SLC2A9: variants seen among roughly 807,000 people sequenced by gnomAD.
SLC2A9 encodes the protein solute carrier family 2 member 9.
SLC2A9 carries 39 observed loss-of-function variants against 50.6 expected under a neutral mutation model. That is an observed-to-expected ratio of 0.77 (90% CI 0.60 to 1.01). The LOEUF (loss-of-function observed/expected upper bound fraction) is 1.01, where lower values mean the gene tolerates loss of function less well. Among genes scored for constraint, SLC2A9 ranks in the 50% least tolerant of loss-of-function variants. SLC2A9 has a pLI of 0.00. For missense variants in SLC2A9, 686 were observed against 677.6 expected (o/e 1.01, Z -0.14); for synonymous variants, 324 against 276.9 (o/e 1.17, Z -1.69).
At chr4:9,871,408 T>G (rs1266132377) in intron 10 of SLC2A9, among the ~76,000 whole-genome samples, 1 of 152,156 alleles carries the variant, frequency 6.6e-6, no homozygotes, top group African/African-American at 2.4e-5. Flanking sequence ...GTTGGCAGAG[T>G]TGGTTCTCTC....
intron 7 of SLC2A9, among the ~76,000 whole-genome samples, chr4:9,912,302 A>G (rs1288841553): frequency 6.6e-6 from 1 of 152,184 alleles, no homozygotes; most frequent in Non-Finnish European, 1.5e-5. Flanking sequence ...ATAATAAAAA[A>G]AAAAGAAAAG....
chr4:9,783,543 C>A, intron 3 of SLC2A9: 1 of 1,272,528 alleles, frequency 7.9e-7, no homozygotes. Flanking sequence ...AAATACATGC[C>A]TTTCCAGTGC....
chr4:9,849,132 T>C (rs533823011), intron 10 of SLC2A9, among the ~76,000 whole-genome samples: 7 of 151,804 alleles, frequency 4.6e-5, no homozygotes, highest in Non-Finnish European at 5.9e-5. Context: ...GATTCTAGGG[T>C]GTCTAGGAGG....
chr4:9,780,941 C>G (rs1442528448), intron 3 of SLC2A9, among the ~76,000 whole-genome samples: 4 of 152,176 alleles, frequency 2.6e-5, no homozygotes, highest in Non-Finnish European at 4.4e-5. Context: ...GTGGGGGGCT[C>G]TCTTCCTCCT....
At chr4:9,851,581 G>A (rs973199199) in intron 10 of SLC2A9, among the ~76,000 whole-genome samples, 5 of 152,158 alleles carry the variant, frequency 3.3e-5, no homozygotes, top group Non-Finnish European at 5.9e-5. Flanking sequence ...ATAGTGAAAT[G>A]ACTGAAATGA....
At chr4:9,837,261 A>G (rs184100175) in intron 10 of SLC2A9, among the ~76,000 whole-genome samples, 7 of 152,192 alleles carry the variant, frequency 4.6e-5, no homozygotes, top group Non-Finnish European at 8.8e-5. Flanking sequence ...ATTAGACTCT[A>G]TATCTTAAAG....
chr4:9,958,008 G>A (rs1211063884), intron 5 of SLC2A9, among the ~76,000 whole-genome samples: 1 of 152,130 alleles, frequency 6.6e-6, no homozygotes, highest in African/African-American at 2.4e-5. Flanking sequence ...GGATAAATAA[G>A]AAGATTCTAA....
intron 3 of SLC2A9, among the ~76,000 whole-genome samples, chr4:9,813,402 C>T (rs563046854): frequency 2.0e-5 from 3 of 152,280 alleles, no homozygotes; most frequent in South Asian, 2.1e-4. Flanking sequence ...TTTCCCTCTT[C>T]GCAGTTTGAT....
At position 9,863,009 on chromosome 4, in the gene SLC2A9, C is replaced by T. The variant is rs568376102; in HGVS notation, c.1291+24558G>A. 1.6e-3 allele frequency among the ~76,000 whole-genome samples: 236 copies of T among 152,158 alleles called. 1 individual carries two copies. Among genetic ancestry groups the T allele is most frequent in the South Asian group, 2.7e-3 (13 of 4,822 alleles). ...ACAATAAAGCACAATGAATGTGCCC[C>T]GCCCAGGGAGGCCAACTGTTATCAG... On this transcript the variant is annotated intron_variant, in intron 10 of 11. Coordinates refer to ENST00000264784, the MANE Select transcript of SLC2A9 (RefSeq NM_020041.3).
rs1328503816 is a variant in SLC2A9 at position 9,978,978 on chromosome 4, A to G, written c.681+1614T>C. 2.6e-5 allele frequency among the ~76,000 whole-genome samples: 4 copies of G among 152,340 alleles called. No individual in the cohort carries two copies. The South Asian group carries it at 8.3e-4, about 32-fold the overall frequency. The stretch of plus-strand genomic sequence containing the variant: ...GATTCCTCCACTTATAAAACCTTCC[A>G]CTGAATGAGAAAGGAGCTGGCCCTA... On this transcript the variant is annotated intron_variant, in intron 5 of 11. Transcript: ENST00000264784.
At chr4:9,812,609 G>C (rs1240019620) in intron 3 of SLC2A9, among the ~76,000 whole-genome samples, 1 of 151,520 alleles carries the variant, frequency 6.6e-6, no homozygotes, top group East Asian at 1.9e-4. Flanking sequence ...CTTGCATCTA[G>C]ATGCAACATG....
intron 10 of SLC2A9, among the ~76,000 whole-genome samples, chr4:9,872,523 A>G (rs1733617852): frequency 6.6e-6 from 1 of 152,278 alleles, no homozygotes; most frequent in South Asian, 2.1e-4. Flanking sequence ...AATAAATTCG[A>G]TAAATGTGTT....
chr4:9,901,789 C>T (rs1233086583), intron 8 of SLC2A9, among the ~76,000 whole-genome samples: 1 of 152,178 alleles, frequency 6.6e-6, no homozygotes, highest in African/African-American at 2.4e-5. Flanking sequence ...AGAGGGAGAC[C>T]CATTGGCTCA....
intron 3 of SLC2A9, among the ~76,000 whole-genome samples, chr4:9,991,146 T>C (rs1037423406): frequency 1.3e-5 from 2 of 152,174 alleles, no homozygotes; most frequent in Non-Finnish European, 2.9e-5. Flanking sequence ...CAAGTGAGGC[T>C]AAACTTGACC....
chr4:10,033,367 C>T (rs1031778460), intron 1 of SLC2A9, among the ~76,000 whole-genome samples: 18 of 152,286 alleles, frequency 1.2e-4, no homozygotes, highest in African/African-American at 4.1e-4. Context: ...GGCTTCCCGG[C>T]AGCCGAAGCA....
intron 5 of SLC2A9, among the ~76,000 whole-genome samples, chr4:9,944,484 C>G (rs1370257962): frequency 6.6e-6 from 1 of 152,158 alleles, no homozygotes; most frequent in Non-Finnish European, 1.5e-5. Context: ...TGGACTCTTT[C>G]TTAAGGGGGG....
At position 9,834,903 on chromosome 4, in the gene SLC2A9, C is replaced by T. The variant is rs768775934; in HGVS notation, c.1397G>A (p.Gly466Glu). 3 of 1,614,104 alleles carry T rather than the reference C, an allele frequency of 1.9e-6. No individual in the cohort carries two copies. Among genetic ancestry groups the T allele is most frequent in the Non-Finnish European group, 2.5e-6 (3 of 1,180,028 alleles). The change falls in exon 11 of 12, where the codon GGG (glycine) becomes GAG (glutamate). Residue 466 changes from glycine to glutamate, a missense_variant. By Grantham distance (98) the Gly-to-Glu change is moderately conservative. Transcript: ENST00000264784. ...TACCTGAATGAATGGGAAGAGGAGC[C>T]CAACAGCAAAGTTGGAGAGCCAGTT... ...TVNWLSNFAV[G>E]LLFPFIQKSL...
intron 3 of SLC2A9, among the ~76,000 whole-genome samples, chr4:9,813,475 G>A (rs1020188188): frequency 3.9e-5 from 6 of 152,066 alleles, no homozygotes; most frequent in Non-Finnish European, 8.8e-5. Context: ...CTGGTCACCT[G>A]GAGCCACATT....
At chr4:10,003,851 G>T (rs1341055186) in intron 2 of SLC2A9, among the ~76,000 whole-genome samples, 1 of 152,198 alleles carries the variant, frequency 6.6e-6, no homozygotes, top group Non-Finnish European at 1.5e-5. Context: ...ACACATCATA[G>T]TTACAATATG....
Sources: gnomAD v4.1 joint callset for allele counts (sites outside exome capture counted in the v4.1 genomes callset) on GRCh38, gnomAD v4.1.1 for gene constraint, MANE v1.5 for transcripts, NCBI Gene and HGNC (gene_info 2026-07-23, HGNC 2026-07-21) for gene names.